Variants in NKX2-2 observed in about 807,000 individuals in gnomAD.
The protein encoded by NKX2-2 is NK2 homeobox 2.
Under a neutral mutation model 24.6 loss-of-function variants are expected in NKX2-2, and 8 were observed. The ratio of observed to expected loss-of-function variants is 0.32; its 90% CI spans 0.19 to 0.59. NKX2-2 has a LOEUF of 0.59. NKX2-2 is among the 20% of genes least tolerant of loss of function. NKX2-2 has a pLI of 0.86. For missense variants in NKX2-2, 381 were observed against 373.9 expected, an observed-to-expected ratio of 1.02 and a Z score of -0.16; for synonymous variants, 217 against 173.3, an observed-to-expected ratio of 1.25 and a Z score of -1.98.
chr20:21,515,258 C>T (rs1034678660), upstream of NKX2-2, among the ~76,000 whole-genome samples: 1 of 74,808 alleles, frequency 1.3e-5, no homozygotes, highest in African/African-American at 5.1e-5. Flanking sequence ...GGCGGCGGGG[C>T]GGGATTGCGG....
intron 1 of NKX2-2, among the ~76,000 whole-genome samples, chr20:21,512,761 C>A (rs894328680): frequency 2.0e-5 from 3 of 152,176 alleles, no homozygotes; most frequent in African/African-American, 7.2e-5. Flanking sequence ...GGGGAAGTGG[C>A]ACTGAAGATC....
the NKX2-2 span, among the ~76,000 whole-genome samples, chr20:21,519,341 C>T: frequency 6.6e-6 from 1 of 152,210 alleles, no homozygotes. Context: ...CTGGTTAGCG[C>T]CAAGGTGCAA....
chr20:21,515,893 A>G (rs917774082), upstream of NKX2-2, among the ~76,000 whole-genome samples: 9 of 152,318 alleles, frequency 5.9e-5, no homozygotes, highest in South Asian at 4.1e-4. Flanking sequence ...CTGCAGCCCT[A>G]GCTGCCTCGC....
chr20:21,521,959 G>A, the NKX2-2 span, among the ~76,000 whole-genome samples: 2 of 152,210 alleles, frequency 1.3e-5, no homozygotes, highest in African/African-American at 4.8e-5. Context: ...CCGCAGGCGG[G>A]GACCGCCGCG....
chr20:21,512,436 G>A lies in NKX2-2; in HGVS notation c.309C>T (p.Ser103=). The change falls in exon 2 of 2, where the codon TCC becomes TCT. Residue 103 remains serine, a synonymous_variant. Transcript: ENST00000377142. ...GAPPQDSSSK[S]PEPSADESPD... The stretch of plus-strand genomic sequence containing the variant: ...GTGACTCGTCGGCCGAGGGCTCCGG[G>A]GACTTGGAGCTTGAGTCCTGAGGGG... The A allele has an allele frequency of 6.3e-7, 1 of 1,590,212 alleles. No individual in the cohort carries two copies. The highest frequency in any genetic ancestry group is 1.1e-5 in the South Asian group (1 of 88,510).
Position 21,512,469 on chromosome 20 carries a change from G to T in NKX2-2, c.276C>A (p.Ala92=), listed in dbSNP as rs1319547215. Residue 92 remains alanine, a synonymous_variant, in exon 2 of 2, where the codon GCC becomes GCA. Transcript: ENST00000377142. ...GLQYSLHGLA[A]GAPPQDSSSK... ...AGCTTGAGTCCTGAGGGGGCGCCCC[G>T]GCAGCCAGACCGTGCACTGGGGGGA... The T allele has an allele frequency of 1.3e-6, 2 of 1,574,628 alleles. No individual in the cohort carries two copies. Among genetic ancestry groups the T allele is most frequent in the African/African-American group, 2.7e-5 (2 of 74,588 alleles).
chr20:21,514,954 C>G (rs922009053), upstream of NKX2-2, among the ~76,000 whole-genome samples: 1 of 152,200 alleles, frequency 6.6e-6, no homozygotes, highest in Admixed American at 6.5e-5. Context: ...ATTTCCTTCA[C>G]TCCGCCTCCC....
upstream of NKX2-2, among the ~76,000 whole-genome samples, chr20:21,515,777 C>T (rs956173731): frequency 2.2e-4 from 34 of 152,264 alleles, no homozygotes; most frequent in African/African-American, 7.7e-4. Context: ...GCGCGGGCAC[C>T]GGGTCCTCCT....
At chr20:21,516,645 G>T (rs909070056), upstream of NKX2-2, among the ~76,000 whole-genome samples, 82 of 152,102 alleles carry the variant, frequency 5.4e-4, no homozygotes, top group African/African-American at 1.8e-3. Context: ...CCCTCCTTTT[G>T]TTCCTCCTCT....
chr20:21,512,138 C>T lies in NKX2-2; in HGVS notation c.607G>A (p.Val203Met), dbSNP rs758484562. The T allele has an allele frequency of 6.2e-7, 1 of 1,613,586 alleles. No homozygotes were observed. The highest frequency in any genetic ancestry group is 1.3e-5 in the African/African-American group (1 of 74,928). The change falls in exon 2 of 2, where the codon GTG becomes ATG. Residue 203 changes from valine (V) to methionine (M), a missense_variant. By Grantham distance (21) the Val-to-Met change is conservative. Around this residue, in one of 3 missense-constraint regions of NKX2-2, gnomAD observed 139 missense variants for 121.7 expected, o/e 1.14. Coordinates refer to ENST00000377142, the MANE Select transcript of NKX2-2 (RefSeq NM_002509.4). ...TCCCTGACCAAGACGGGCACGGCCA[C>T]CCGGCGCGGCGAGGGCAGGGGCGTC... is the stretch of plus-strand genomic sequence containing the variant. ...EVTPLPSPRRVAVPVLVRDGK... is the reference protein window; with the variant it reads ...EVTPLPSPRRMAVPVLVRDGK...
chr20:21,513,115 C>A lies in NKX2-2; in HGVS notation c.259+296G>T, dbSNP rs1381922144. Among the ~76,000 whole-genome samples, 1 of 151,914 alleles carries A rather than the reference C, an allele frequency of 6.6e-6. No homozygotes were observed. The highest frequency in any genetic ancestry group is 1.9e-4 in the East Asian group (1 of 5,148). On this transcript the variant is annotated intron_variant, in intron 1 of 1. Transcript: ENST00000377142. The surrounding 1 kb of genome is among the most constrained non-coding windows in gnomAD (Gnocchi z 4.6). ...GTCCGGGGGCTGCGGCTGGAGCCATCGGTCCGGGTTGACATCATATACCAG... is the reference window on the plus strand; with the variant it reads ...GTCCGGGGGCTGCGGCTGGAGCCATAGGTCCGGGTTGACATCATATACCAG...
Position 21,513,185 on chromosome 20 carries a change from C to A in NKX2-2, c.259+226G>T, listed in dbSNP as rs369683080. On this transcript the variant is annotated intron_variant, in intron 1 of 1. Transcript: ENST00000377142. The surrounding 1 kb of genome is among the most constrained non-coding windows in gnomAD (Gnocchi z 4.6). Reference sequence around the variant, plus strand: ...TTCTCCCTCTTTCTCCTTAACTTCTCGCATTGAAAAAAATTTTGGAGACCA... The same window carrying A: ...TTCTCCCTCTTTCTCCTTAACTTCTAGCATTGAAAAAAATTTTGGAGACCA... Among the ~76,000 whole-genome samples the A allele has an allele frequency of 6.6e-6, 1 of 152,242 alleles. No individual in the cohort carries two copies. Among genetic ancestry groups the A allele is most frequent in the Admixed American group, 6.5e-5 (1 of 15,310 alleles).
the NKX2-2 span, among the ~76,000 whole-genome samples, chr20:21,520,886 T>C: frequency 1.3e-5 from 2 of 152,350 alleles, no homozygotes; most frequent in South Asian, 4.1e-4. Context: ...ACGGGAGATC[T>C]GGGTTTCTCC....
upstream of NKX2-2, among the ~76,000 whole-genome samples, chr20:21,518,796 G>C (rs542078533): frequency 3.3e-5 from 5 of 152,330 alleles, no homozygotes; most frequent in South Asian, 1.0e-3. Context: ...AGATACAGGA[G>C]AGCAGGCGAG....
chr20:21,522,524 A>C, the NKX2-2 span, among the ~76,000 whole-genome samples: 1 of 151,994 alleles, frequency 6.6e-6, no homozygotes, highest in South Asian at 2.1e-4. Flanking sequence ...CGCCATCCCC[A>C]TCCCGCGTTC....
upstream of NKX2-2, among the ~76,000 whole-genome samples, chr20:21,517,982 C>G (rs949791987): frequency 5.9e-5 from 9 of 152,238 alleles, no homozygotes; most frequent in African/African-American, 2.2e-4. Context: ...TGGTCTCCCC[C>G]ACTCGGCATT....
At chr20:21,512,900 G>A (rs987339354) in intron 1 of NKX2-2, among the ~76,000 whole-genome samples, 2 of 152,180 alleles carry the variant, frequency 1.3e-5, no homozygotes, top group Non-Finnish European at 2.9e-5. Context: ...GTTTTTGGGG[G>A]CTTTCGTTTC....
At chr20:21,521,479 C>A in the NKX2-2 span, among the ~76,000 whole-genome samples, 2 of 152,194 alleles carry the variant, frequency 1.3e-5, no homozygotes, top group Admixed American at 1.3e-4. Context: ...TCTCCAGAGA[C>A]CTCAGTCCAC....
At chr20:21,518,281 C>G (rs1980689788), upstream of NKX2-2, among the ~76,000 whole-genome samples, 1 of 152,184 alleles carries the variant, frequency 6.6e-6, no homozygotes, top group Admixed American at 6.5e-5. Flanking sequence ...GACCCCTCAA[C>G]TCGATCTTTA....
Sources: gnomAD v4.1 joint callset for allele counts (sites outside exome capture counted in the v4.1 genomes callset) on GRCh38, gnomAD v4.1.1 for gene constraint, gnomAD v4.1.1 regional missense constraint, Gnocchi (gnomAD v3.1) non-coding constraint, MANE v1.5 for transcripts, NCBI Gene and HGNC (gene_info 2026-07-23, HGNC 2026-07-21) for gene names.